The following CDH18 variants were observed in gnomAD, a reference collection of about 807,000 sequenced individuals.
The protein encoded by CDH18 is cadherin-18.
CDH18 carries 31 observed loss-of-function variants against 67.9 expected under a neutral mutation model. The observed-to-expected ratio is 0.46, with a 90% CI of 0.34 to 0.62. CDH18 has a LOEUF of 0.62. CDH18 is among the 20% of genes least tolerant of loss of function. The pLI, the probability that CDH18 is intolerant of heterozygous loss-of-function variation, is 0.01. For synonymous variants in CDH18, 362 were observed against 347.2 expected (o/e 1.04, Z -0.48); for missense variants, 890 against 975.5 (o/e 0.91, Z 1.17).
chr5:19,850,134 TA>T (rs1378076298), intron 2 of CDH18, among the ~76,000 whole-genome samples: 6 of 151,884 alleles, frequency 4.0e-5, no homozygotes, highest in African/African-American at 1.4e-4. Flanking sequence ...GATAGAATTA[TA>T]TGAAGTGAAA....
chr5:20,501,565 AT>A (rs1754295213), intron 1 of CDH18, among the ~76,000 whole-genome samples: 1 of 15,012 alleles, frequency 6.7e-5, no homozygotes, highest in Admixed American at 1.4e-3. Flanking sequence ...TAATATATAT[AT>A]ATAATATATA....
intron 1 of CDH18, among the ~76,000 whole-genome samples, chr5:20,488,023 G>C (rs1468547200): frequency 6.6e-6 from 1 of 152,078 alleles, no homozygotes; most frequent in African/African-American, 2.4e-5. Flanking sequence ...CTGATTGGCT[G>C]TCCTGCCTGT....
intron 1 of CDH18, among the ~76,000 whole-genome samples, chr5:20,371,480 T>C (rs1391261918): frequency 6.6e-6 from 1 of 151,964 alleles, no homozygotes; most frequent in Non-Finnish European, 1.5e-5. Context: ...ATGACAAGAG[T>C]ATGCTTTAAG....
intron 2 of CDH18, among the ~76,000 whole-genome samples, chr5:19,979,154 T>A (rs1048760366): frequency 2.0e-5 from 3 of 152,000 alleles, no homozygotes; most frequent in African/African-American, 7.2e-5. Flanking sequence ...CTGATTATAG[T>A]CTCTTAAGTT....
chr5:19,683,261 T>C (rs1053301129), intron 5 of CDH18, among the ~76,000 whole-genome samples: 4 of 152,250 alleles, frequency 2.6e-5, no homozygotes, highest in East Asian at 3.9e-4. Flanking sequence ...TTTCATATTT[T>C]ATGTAATTAA....
rs1756107027 is a variant in CDH18, at chr5:20,526,992, G to A, written c.-580+48470C>T. 5.3e-5 allele frequency among the ~76,000 whole-genome samples: 8 copies of A among 152,118 alleles called. No homozygotes were observed. In the South Asian group the frequency reaches 1.7e-3, roughly 32 times the overall value. ...CTAAAGGATTATGTTCTAACCCAAA[G>A]CAAAGAAGCTAAGAATCATGATAAA... On this transcript the variant is annotated intron_variant, in intron 1 of 14. Transcript: ENST00000507958.
intron 5 of CDH18, among the ~76,000 whole-genome samples, chr5:19,627,795 C>T (rs1045025363): frequency 6.6e-6 from 1 of 152,042 alleles, no homozygotes; most frequent in African/African-American, 2.4e-5. Context: ...TGCACAAATG[C>T]CCTAATGTGG....
intron 1 of CDH18, among the ~76,000 whole-genome samples, chr5:20,351,143 A>T (rs60994741): frequency 0.026 from 3,896 of 147,304 alleles, 121 homozygotes; most frequent in African/African-American, 0.076. Flanking sequence ...TACCTGCTCC[A>T]AACATAGTAA....
chr5:20,042,034 C>T (rs1420519745), intron 2 of CDH18, among the ~76,000 whole-genome samples: 1 of 152,224 alleles, frequency 6.6e-6, no homozygotes, highest in Non-Finnish European at 1.5e-5. Context: ...AGGACACCTG[C>T]ATTTACATAT....
chr5:20,250,665 C>A (rs1456382382), intron 2 of CDH18, among the ~76,000 whole-genome samples: 3 of 135,432 alleles, frequency 2.2e-5, no homozygotes, highest in Admixed American at 8.2e-5. Flanking sequence ...TGCAGTGGTG[C>A]CATCTTGCGG....
intron 11 of CDH18, among the ~76,000 whole-genome samples, chr5:19,500,552 T>C (rs1213416605): frequency 1.3e-5 from 2 of 152,140 alleles, no homozygotes; most frequent in African/African-American, 2.4e-5. Context: ...CTTTTTTCTA[T>C]CCAAGATAAA....
chr5:20,501,581 TTA>T lies in CDH18; in HGVS notation c.-580+73879_-580+73880del, dbSNP rs1174327864. Among the ~76,000 whole-genome samples, 9 of 13,054 alleles carry T rather than the reference TTA, an allele frequency of 6.9e-4. 1 individual carries two copies. The highest frequency in any genetic ancestry group is 8.5e-4 in the Non-Finnish European group (5 of 5,872). The allele number at this position is 13,054 out of a possible 152,430, so 8.6% of individuals were successfully genotyped here. Reference sequence around the variant, plus strand: ...AATATATATATATAATATATATATATTATATATATATATTATATATATATATA... The same window carrying T: ...AATATATATATATAATATATATATATTATATATATATTATATATATATATA... On this transcript the variant is annotated intron_variant, in intron 1 of 14. Coordinates refer to the CDH18 transcript ENST00000507958.
intron 2 of CDH18, among the ~76,000 whole-genome samples, chr5:19,911,719 G>T (rs1243159628): frequency 6.6e-6 from 1 of 151,796 alleles, no homozygotes; most frequent in African/African-American, 2.4e-5. Context: ...AGATTCTCTA[G>T]AACTGTGAGA....
At chr5:20,386,619 GAACTTGTATTC>G (rs1454036384) in intron 1 of CDH18, among the ~76,000 whole-genome samples, 1 of 152,072 alleles carries the variant, frequency 6.6e-6, no homozygotes, top group Non-Finnish European at 1.5e-5. Context: ...GTAAGTGCAA[GAACTTGTATTC>G]AACTTGTATT....
chr5:19,529,109 G>C (rs1475283171), intron 9 of CDH18, among the ~76,000 whole-genome samples: 1 of 151,910 alleles, frequency 6.6e-6, no homozygotes, highest in South Asian at 2.1e-4. Context: ...TCTGGGAGAA[G>C]AGACTTACAT....
intron 2 of CDH18, among the ~76,000 whole-genome samples, chr5:19,973,834 T>G (rs2150343246): frequency 6.6e-6 from 1 of 152,132 alleles, no homozygotes; most frequent in African/African-American, 2.4e-5. Flanking sequence ...TATAAAAAGT[T>G]TTTGAGGTGA....
At chr5:20,499,805 G>A (rs1754140641) in intron 1 of CDH18, among the ~76,000 whole-genome samples, 1 of 152,034 alleles carries the variant, frequency 6.6e-6, no homozygotes. Context: ...GTTCACGTGT[G>A]GATGATAAAT....
chr5:20,194,077 A>C (rs564439223), intron 2 of CDH18, among the ~76,000 whole-genome samples: 4 of 152,182 alleles, frequency 2.6e-5, no homozygotes, highest in African/African-American at 9.6e-5. Flanking sequence ...CTACTATTCA[A>C]CTTTTCAATC....
At chr5:19,750,460 T>C (rs906300791) in intron 3 of CDH18, among the ~76,000 whole-genome samples, 6 of 152,150 alleles carry the variant, frequency 3.9e-5, no homozygotes, top group African/African-American at 1.4e-4. Context: ...ACAGAAAACT[T>C]GACAAATGGA....
Sources: allele counts gnomAD v4.1 joint callset (sites outside exome capture counted in the v4.1 genomes callset), GRCh38; gene constraint gnomAD v4.1.1; transcripts MANE v1.5; gene names NCBI Gene and HGNC (gene_info 2026-07-23, HGNC 2026-07-21).